Variants in KCNJ8 observed in about 807,000 individuals in gnomAD.
KCNJ8 encodes ATP-sensitive inward rectifier potassium channel 8.
In KCNJ8, 13 loss-of-function variants were observed where a neutral mutation model predicts 28.2. The observed-to-expected ratio is 0.46, with a 90% CI of 0.30 to 0.73. The LOEUF (loss-of-function observed/expected upper bound fraction) is 0.73, where lower values mean the gene tolerates loss of function less well. Ranked by LOEUF, KCNJ8 falls within the 30% of genes least tolerant of loss-of-function variation. The pLI is 0.07. For synonymous variants in KCNJ8, 188 were observed against 195.9 expected, an observed-to-expected ratio of 0.96 and a Z score of 0.34; for missense variants, 284 against 542.6, an observed-to-expected ratio of 0.52 and a Z score of 4.73.
Position 21,765,399 on chromosome 12 carries a change from A to G in KCNJ8, c.*324T>C. On this transcript the variant is annotated 3_prime_UTR_variant, in exon 3 of 3. Transcript: ENST00000240662. The stretch of plus-strand genomic sequence containing the variant: ...GCATTTCAAACAGACTCATTTCTTG[A>G]CCAAATTTTGTGCTCAAGGCCTGTT... 1 of 392,204 alleles carries G rather than the reference A, an allele frequency of 2.5e-6. No individual in the cohort carries two copies. The highest frequency in any genetic ancestry group is 2.4e-5 in the South Asian group (1 of 41,328). 24.3% of individuals were successfully genotyped at this position (392,204 alleles called of 1,614,324 possible). A position where few individuals can be genotyped will look rare whatever the true frequency, so the allele number is the denominator to read the frequency against.
In KCNJ8 at chr12:21,766,478, A is replaced by G; in HGVS notation, c.520T>C (p.Leu174=). ...IVGLIINAVM[L]GCIFMKTAQA... ...GCTGTTTTCATGAAAATGCAGCCTAACATGACTGCATTGATGATCAAACCC... is the reference window on the plus strand; with the variant it reads ...GCTGTTTTCATGAAAATGCAGCCTAGCATGACTGCATTGATGATCAAACCC... Residue 174 remains leucine (L), a synonymous_variant, in exon 3 of 3, where the codon TTA becomes CTA. Transcript: ENST00000240662. The surrounding 1 kb of genome is among the most constrained non-coding windows in gnomAD (Gnocchi z 6.5). The G allele has an allele frequency of 6.2e-7, 1 of 1,614,120 alleles. No individual in the cohort carries two copies. Among genetic ancestry groups the G allele is most frequent in the Non-Finnish European group, 8.5e-7 (1 of 1,179,994 alleles).
At chr12:21,771,347 C>G (rs887243468) in intron 2 of KCNJ8, among the ~76,000 whole-genome samples, 1 of 152,176 alleles carries the variant, frequency 6.6e-6, no homozygotes. Flanking sequence ...TAAACAATCT[C>G]AAGAGATAAA....
At chr12:21,771,293 T>G (rs1271048443) in intron 2 of KCNJ8, among the ~76,000 whole-genome samples, 1 of 152,214 alleles carries the variant, frequency 6.6e-6, no homozygotes, top group South Asian at 2.1e-4. Context: ...TTCTAAATAT[T>G]ACATATGGTA....
chr12:21,770,764 A>C (rs1021495181), intron 2 of KCNJ8, among the ~76,000 whole-genome samples: 1 of 152,242 alleles, frequency 6.6e-6, no homozygotes, highest in South Asian at 2.1e-4. Flanking sequence ...TGGCTTCTTC[A>C]TAGAAACAAT....
rs1468266637 is a variant in KCNJ8 at position 21,766,233 on chromosome 12, C to G, written c.765G>C (p.Glu255Asp). Residue 255 changes from glutamate (E) to aspartate (D), a missense_variant, in exon 3 of 3, where the codon GAG (glutamate) becomes GAC (aspartate). By Grantham distance (45) the Glu-to-Asp change is conservative. Around this residue, in one of 8 missense-constraint regions of KCNJ8, gnomAD observed 107 missense variants for 235.6 expected, o/e 0.45. Coordinates refer to ENST00000240662, the MANE Select transcript of KCNJ8 (RefSeq NM_004982.4). The surrounding 1 kb of genome is among the most constrained non-coding windows in gnomAD (Gnocchi z 6.5). ...QLDIPVDNPIESNNIFLVAPL... is the reference protein window; with the variant it reads ...QLDIPVDNPIDSNNIFLVAPL... Reference sequence around the variant, plus strand: ...GGGCCACCAGAAAAATGTTATTGCTCTCGATTGGGTTATCAACAGGAATGT... The same window carrying G: ...GGGCCACCAGAAAAATGTTATTGCTGTCGATTGGGTTATCAACAGGAATGT... 12 of 1,614,066 alleles carry G rather than the reference C, an allele frequency of 7.4e-6. No homozygotes were observed. The highest frequency in any genetic ancestry group is 1.0e-5 in the Non-Finnish European group (12 of 1,180,020).
rs1940634198 is a variant in KCNJ8 at position 21,766,806 on chromosome 12, G to A, written c.375-183C>T. ...GTTTAGAACAGTCTCTCTCTCTCTT[G>A]CATGCATCTACCTCCAGACTTCTGG... On this transcript the variant is annotated intron_variant, in intron 2 of 2. Transcript: ENST00000240662. This position sits in a 1 kb window ranked among gnomAD's most constrained non-coding sequence, Gnocchi z 6.5. 1.6e-6 allele frequency: 1 copy of A among 620,788 alleles called. No homozygotes were observed. 38.5% of individuals were successfully genotyped at this position (620,788 alleles called of 1,614,324 possible).
Position 21,765,731 on chromosome 12 carries a change from C to G in KCNJ8, c.1267G>C (p.Glu423Gln). The change falls in exon 3 of 3, where the codon GAA becomes CAA. Residue 423 changes from glutamate (E) to glutamine (Q), a missense_variant. This residue lies in a region of KCNJ8 where 50 missense variants were observed against 55.9 expected (regional missense o/e 0.90). Coordinates refer to ENST00000240662, the MANE Select transcript of KCNJ8 (RefSeq NM_004982.4). ...MTPEGNQNTS[E>Q]S Reference sequence around the variant, plus strand: ...TTGGGGTTATCTTGCTGTCATGATTCCGATGTGTTTTGATTTCCTTCTGGA... The same window carrying G: ...TTGGGGTTATCTTGCTGTCATGATTGCGATGTGTTTTGATTTCCTTCTGGA... 4 of 1,613,950 alleles carry G rather than the reference C, an allele frequency of 2.5e-6. No homozygotes were observed. Among genetic ancestry groups the G allele is most frequent in the Non-Finnish European group, 3.4e-6 (4 of 1,179,846 alleles).
intron 2 of KCNJ8, among the ~76,000 whole-genome samples, chr12:21,772,384 G>GA (rs1379341368): frequency 2.6e-5 from 4 of 151,612 alleles, no homozygotes; most frequent in Non-Finnish European, 4.4e-5. Flanking sequence ...ACCTCCCCCC[G>GA]AAAAAAACAA....
chr12:21,769,215 C>T (rs528059408), intron 2 of KCNJ8, among the ~76,000 whole-genome samples: 3 of 152,264 alleles, frequency 2.0e-5, no homozygotes, highest in South Asian at 2.1e-4. Flanking sequence ...ATCTGAAAAT[C>T]GTAGAGCCCC....
At chr12:21,767,315 C>A (rs577992305) in intron 2 of KCNJ8, among the ~76,000 whole-genome samples, 2 of 119,652 alleles carry the variant, frequency 1.7e-5, no homozygotes, top group Non-Finnish European at 3.5e-5. Flanking sequence ...CCAACCCCCC[C>A]CCCCCCCACC....
At chr12:21,771,948 G>A (rs1393801301) in intron 2 of KCNJ8, among the ~76,000 whole-genome samples, 1 of 152,150 alleles carries the variant, frequency 6.6e-6, no homozygotes, top group Admixed American at 6.5e-5. Context: ...ACAACAGTTT[G>A]TGAGAAGTTT....
At chr12:21,769,697 G>T (rs1331801420) in intron 2 of KCNJ8, among the ~76,000 whole-genome samples, 3 of 152,154 alleles carry the variant, frequency 2.0e-5, no homozygotes, top group East Asian at 3.9e-4. Flanking sequence ...GAGTTGGGAA[G>T]AAGTTCATTC....
rs762010699 is a variant in KCNJ8 at position 21,773,646 on chromosome 12, C to A, written c.-30G>T. On this transcript the variant is annotated 5_prime_UTR_variant, in exon 2 of 3. It adds an upstream start codon to the 5' untranslated region. Transcript: ENST00000240662. This position sits in a 1 kb window ranked among gnomAD's most constrained non-coding sequence, Gnocchi z 4.6. The stretch of plus-strand genomic sequence containing the variant: ...CTGTCACCATAGCCAGCTTAGCCAC[C>A]TCCCTCTCACCTGCCTCTCCGTCCC... 12 of 1,608,630 alleles carry A rather than the reference C, an allele frequency of 7.5e-6. No homozygotes were observed. Among genetic ancestry groups the A allele is most frequent in the Non-Finnish European group, 1.0e-5 (12 of 1,179,988 alleles).
chr12:21,766,244 T>A lies in KCNJ8; in HGVS notation c.754A>T (p.Asn252Tyr), dbSNP rs1565659038. 1 of 1,614,136 alleles carries A rather than the reference T, an allele frequency of 6.2e-7. No individual in the cohort carries two copies. Among genetic ancestry groups the A allele is most frequent in the Non-Finnish European group, 8.5e-7 (1 of 1,180,018 alleles). ...AAAATGTTATTGCTCTCGATTGGGT[T>A]ATCAACAGGAATGTCCAGTTGGTGA... ...PIHQLDIPVD[N>Y]PIESNNIFLV... is the part of the protein sequence containing the mutation. The change falls in exon 3 of 3, where the codon AAC (asparagine) becomes TAC (tyrosine). Residue 252 changes from asparagine (N) to tyrosine (Y), a missense_variant. Asn to Tyr is a moderately radical substitution (Grantham distance 143, BLOSUM62 -2). Transcript: ENST00000240662. This position sits in a 1 kb window ranked among gnomAD's most constrained non-coding sequence, Gnocchi z 6.5.
In KCNJ8 at chr12:21,766,537, A is replaced by G; in HGVS notation, c.461T>C (p.Leu154Ser). 1 of 1,611,264 alleles carries G rather than the reference A, an allele frequency of 6.2e-7. No homozygotes were observed. Among genetic ancestry groups the G allele is most frequent in the Non-Finnish European group, 8.5e-7 (1 of 1,179,856 alleles). The change falls in exon 3 of 3, where the codon TTG becomes TCG. Residue 154 changes from leucine (L) to serine (S), a missense_variant. By Grantham distance (145) the Leu-to-Ser change is moderately radical (BLOSUM62 -2). This residue lies in a region of KCNJ8 where 16 missense variants were observed against 25.2 expected (regional missense o/e 0.64). Coordinates refer to ENST00000240662, the MANE Select transcript of KCNJ8 (RefSeq NM_004982.4). This position sits in a 1 kb window ranked among gnomAD's most constrained non-coding sequence, Gnocchi z 6.5. The stretch of plus-strand genomic sequence containing the variant: ...CTGGAGAATCAAAACCGTGATGGCC[A>G]AAGGGCATTCCTCTGTCATCATCCT... ...GGRMMTEECP[L>S]AITVLILQNI...
In KCNJ8 at chr12:21,766,029, G is replaced by A; in HGVS notation, c.969C>T (p.Arg323=). 1 of 1,614,174 alleles carries A rather than the reference G, an allele frequency of 6.2e-7. No homozygotes were observed. Among genetic ancestry groups the A allele is most frequent in the Non-Finnish European group, 8.5e-7 (1 of 1,180,036 alleles). Residue 323 remains arginine, a synonymous_variant, in exon 3 of 3, where the codon CGC becomes CGT. Coordinates refer to ENST00000240662, the MANE Select transcript of KCNJ8 (RefSeq NM_004982.4). This position sits in a 1 kb window ranked among gnomAD's most constrained non-coding sequence, Gnocchi z 6.5. ...CTTCCTCAGTCACAATGGACACAAA[G>A]CGGTGGCCCCATTGGATCTCCTCAG... ...YIAEEIQWGH[R]FVSIVTEEEG... is the part of the protein sequence containing the mutation.
chr12:21,772,924 C>A (rs997713690), intron 2 of KCNJ8, among the ~76,000 whole-genome samples: 4 of 152,116 alleles, frequency 2.6e-5, no homozygotes, highest in African/African-American at 9.7e-5. Context: ...ATACTGAACT[C>A]AATGTGTGCG....
intron 2 of KCNJ8, among the ~76,000 whole-genome samples, chr12:21,769,166 A>T (rs1940701935): frequency 1.3e-5 from 2 of 152,232 alleles, no homozygotes; most frequent in Admixed American, 1.3e-4. Context: ...GAACTAATGC[A>T]GCTGGTAACA....
chr12:21,771,437 T>C (rs1303260503), intron 2 of KCNJ8, among the ~76,000 whole-genome samples: 1 of 152,186 alleles, frequency 6.6e-6, no homozygotes, highest in Non-Finnish European at 1.5e-5. Context: ...TATTGGTCTA[T>C]TTTTTGACTC....
Sources: allele counts gnomAD v4.1 joint callset (sites outside exome capture counted in the v4.1 genomes callset), GRCh38; gene constraint gnomAD v4.1.1; regional missense constraint gnomAD v4.1.1; non-coding constraint Gnocchi (gnomAD v3.1); transcripts MANE v1.5; gene names NCBI Gene and HGNC (gene_info 2026-07-23, HGNC 2026-07-21).